The following CPEB1 variants were observed in gnomAD, a reference collection of about 807,000 sequenced individuals.
The protein encoded by CPEB1 is cytoplasmic polyadenylation element-binding protein 1.
A neutral mutation model predicts 65.8 loss-of-function variants in CPEB1; 7 were observed. The observed-to-expected ratio is 0.11, with a 90% confidence interval of 0.06 to 0.20. The LOEUF (loss-of-function observed/expected upper bound fraction) is 0.20, where lower values mean the gene tolerates loss of function less well. CPEB1 is among the 10% of genes least tolerant of loss of function. The pLI is 1.00. For synonymous variants in CPEB1, 262 were observed against 260.0 expected, an observed-to-expected ratio of 1.01 and a Z score of -0.08; for missense variants, 551 against 712.2, an observed-to-expected ratio of 0.77 and a Z score of 2.58.
At chr15:82,587,202 A>G (rs1027625316) in intron 3 of CPEB1, among the ~76,000 whole-genome samples, 2 of 152,192 alleles carry the variant, frequency 1.3e-5, no homozygotes, top group African/African-American at 4.8e-5. Context: ...TTTCTTCTCT[A>G]TGTATATGGT....
chr15:82,598,054 T>C (rs982609278), intron 3 of CPEB1, among the ~76,000 whole-genome samples: 5 of 152,242 alleles, frequency 3.3e-5, no homozygotes, highest in Admixed American at 1.3e-4. Flanking sequence ...CCAGGTGGCA[T>C]GATGAGACTA....
At chr15:82,583,989 G>A (rs139257041) in intron 3 of CPEB1, among the ~76,000 whole-genome samples, 343 of 152,236 alleles carry the variant, frequency 2.3e-3, no homozygotes, top group African/African-American at 7.9e-3. Context: ...GCTGGGCTTG[G>A]TGGCTCACAC....
intron 3 of CPEB1, among the ~76,000 whole-genome samples, chr15:82,578,056 C>T (rs1233216686): frequency 2.0e-5 from 3 of 152,078 alleles, no homozygotes; most frequent in Non-Finnish European, 2.9e-5. Flanking sequence ...AGAAGAATGG[C>T]GTGAACCCAG....
chr15:82,627,336 C>G lies in CPEB1; in HGVS notation c.128G>C (p.Trp43Ser). 1.2e-6 allele frequency: 2 copies of G among 1,612,856 alleles called. No homozygotes were observed. Among genetic ancestry groups the G allele is most frequent in the Non-Finnish European group, 1.7e-6 (2 of 1,179,430 alleles). ...GAGAGCAGGTGCTTCCTGGTTGTCC[C>G]AGCAATCTTTTATCCTTCCTGCTTC... The part of the protein sequence containing the change: ...EEEAGRIKDC[W>S]DNQEAPALST... Residue 43 changes from tryptophan (W) to serine (S), a missense_variant, in exon 3 of 13, where the codon TGG (tryptophan) becomes TCG (serine). Transcript: ENST00000684509.
At chr15:82,553,368 C>G in intron 8 of CPEB1, 99 bp downstream of exon 8, 1 of 854,612 alleles carries the variant, frequency 1.2e-6, no homozygotes, top group Non-Finnish European at 1.9e-6. Flanking sequence ...ATGTTACCAA[C>G]ATGCAGCTGT....
chr15:82,580,191 C>T (rs912505707), intron 3 of CPEB1, among the ~76,000 whole-genome samples: 5 of 150,390 alleles, frequency 3.3e-5, no homozygotes, highest in East Asian at 2.0e-4. Context: ...CATGGTGCCA[C>T]GTGCCTGTAG....
At chr15:82,628,594 G>A in intron 1 of CPEB1, 38 bp from the exon 2 acceptor site, 1 of 599,826 alleles carries the variant, frequency 1.7e-6, no homozygotes, top group Non-Finnish European at 2.9e-6. Flanking sequence ...GTACCACATA[G>A]AAACATTTTT....
At chr15:82,599,189 C>T (rs1348879951) in intron 3 of CPEB1, among the ~76,000 whole-genome samples, 1 of 152,080 alleles carries the variant, frequency 6.6e-6, no homozygotes, top group Non-Finnish European at 1.5e-5. Flanking sequence ...AAATATTATG[C>T]AGGAGAATAA....
chr15:82,575,858 C>T (rs758075274), intron 3 of CPEB1, among the ~76,000 whole-genome samples: 6 of 152,040 alleles, frequency 3.9e-5, no homozygotes, highest in Non-Finnish European at 7.4e-5. Context: ...CTTATGAAAA[C>T]GCTTATATAT....
At chr15:82,606,628 C>A (rs2043631830) in intron 3 of CPEB1, among the ~76,000 whole-genome samples, 1 of 50,600 alleles carries the variant, frequency 2.0e-5, no homozygotes, top group African/African-American at 8.9e-5. Context: ...ACCATCCCGG[C>A]TAAAATGGTG....
At position 82,543,384 on chromosome 15, in the gene CPEB1, G is replaced by C. The variant is rs1432825029; in HGVS notation, c.*1208C>G. 6.6e-6 allele frequency: 1 copy of C among 151,860 alleles called. No individual in the cohort carries two copies. The highest frequency in any genetic ancestry group is 1.5e-5 in the Non-Finnish European group (1 of 67,928). The allele number at this position is 151,860 out of a possible 1,614,324, so 9.4% of individuals were successfully genotyped here. A position where few individuals can be genotyped will look rare whatever the true frequency, so the allele number is the denominator to read the frequency against. On this transcript the variant is annotated 3_prime_UTR_variant, in exon 13 of 13. Coordinates refer to ENST00000684509, the MANE Select transcript of CPEB1 (RefSeq NM_001365242.1). ...GCAACGTCAGCTCAGCAGGAGGGAGGGGTTATGACACTGGTTCTTTGGCAC... is the reference window on the plus strand; with the variant it reads ...GCAACGTCAGCTCAGCAGGAGGGAGCGGTTATGACACTGGTTCTTTGGCAC...
intron 1 of CPEB1, among the ~76,000 whole-genome samples, chr15:82,630,636 C>T (rs1008524314): frequency 9.2e-5 from 14 of 151,800 alleles, no homozygotes; most frequent in Non-Finnish European, 1.6e-4. Context: ...AGAACTAAGA[C>T]CCGATCCTGT....
intron 3 of CPEB1, among the ~76,000 whole-genome samples, chr15:82,612,865 CA>C (rs2044312713): frequency 6.8e-6 from 1 of 146,798 alleles, no homozygotes; most frequent in Admixed American, 6.8e-5. Flanking sequence ...AACAAACAAA[CA>C]AAACAAACAA....
chr15:82,643,636 AT>A (rs2047273350), intron 1 of CPEB1, among the ~76,000 whole-genome samples: 1 of 145,484 alleles, frequency 6.9e-6, no homozygotes. Flanking sequence ...AAAAAAAAAA[AT>A]CCTTGAAAAT....
At chr15:82,547,775 C>T (rs774181226) in intron 10 of CPEB1, among the ~76,000 whole-genome samples, 1 of 151,902 alleles carries the variant, frequency 6.6e-6, no homozygotes, top group Non-Finnish European at 1.5e-5. Context: ...CAGGCTCAAA[C>T]AATCTCCTGC....
chr15:82,579,286 C>T (rs149019636), intron 3 of CPEB1, among the ~76,000 whole-genome samples: 192 of 152,194 alleles, frequency 1.3e-3, no homozygotes, highest in African/African-American at 4.4e-3. Flanking sequence ...CACAGGGAGA[C>T]CCCGTTTCTA....
chr15:82,620,415 ACTCTGT>A (rs2045198197), intron 3 of CPEB1, among the ~76,000 whole-genome samples: 1 of 134,186 alleles, frequency 7.5e-6, no homozygotes, highest in Non-Finnish European at 1.6e-5. Context: ...ACAGAGCAAG[ACTCTGT>A]CTCAAAAAGA....
rs2040025899 is a variant in CPEB1, at chr15:82,571,535, G to A, written c.272-3C>T. ...TGTTTCTTCAGAGTCCTGGAAGTCT[G>A]TTTTGGAAAGGAGCACAGCAGAAAC... On this transcript the variant is annotated splice_region_variant and splice_polypyrimidine_tract_variant and intron_variant, in intron 3 of 12. Coordinates refer to ENST00000684509, the MANE Select transcript of CPEB1 (RefSeq NM_001365242.1). 5 of 1,612,796 alleles carry A rather than the reference G, an allele frequency of 3.1e-6. No homozygotes were observed. The highest frequency in any genetic ancestry group is 4.2e-6 in the Non-Finnish European group (5 of 1,179,256).
rs532270440 is a variant in CPEB1 at position 82,587,409 on chromosome 15, C to T, written c.272-15877G>A. ...GTCACAATGCAATCAATTGCGAAAA[C>T]TGAAAATAACTATTCTGTCAAAATG... On this transcript the variant is annotated intron_variant, in intron 3 of 12. Coordinates refer to ENST00000684509, the MANE Select transcript of CPEB1 (RefSeq NM_001365242.1). 2.0e-5 allele frequency among the ~76,000 whole-genome samples: 3 copies of T among 152,308 alleles called. No homozygotes were observed. In the East Asian group the frequency reaches 5.8e-4, roughly 29 times the overall value.
Sources: gnomAD v4.1 joint callset for allele counts (sites outside exome capture counted in the v4.1 genomes callset) on GRCh38, gnomAD v4.1.1 for gene constraint, MANE v1.5 for transcripts, NCBI Gene and HGNC (gene_info 2026-07-23, HGNC 2026-07-21) for gene names.